UNC13B: variants seen among roughly 807,000 people sequenced by gnomAD.
UNC13B encodes the protein protein unc-13 homolog B.
A neutral mutation model predicts 211.0 loss-of-function variants in UNC13B; 144 were observed. That is an observed-to-expected ratio of 0.68 (90% CI 0.60 to 0.78). UNC13B has a LOEUF of 0.78. Ranked by LOEUF, UNC13B falls within the 30% of genes least tolerant of loss-of-function variation. The pLI, the probability that UNC13B is intolerant of heterozygous loss-of-function variation, is 0.00. For synonymous variants in UNC13B, 709 were observed against 725.8 expected (o/e 0.98, Z 0.37); for missense variants, 1,777 against 2,002.0 (o/e 0.89, Z 2.14).
chr9:35,261,554 A>G (rs10814217), intron 7 of UNC13B, among the ~76,000 whole-genome samples: 73,575 of 151,872 alleles, frequency 0.48, 18,262 homozygotes, highest in Middle Eastern at 0.56. Context: ...ACAATATGTA[A>G]TAATCACATC....
At chr9:35,257,050 G>A (rs1248778217) in intron 6 of UNC13B, among the ~76,000 whole-genome samples, 9 of 151,620 alleles carry the variant, frequency 5.9e-5, no homozygotes, top group Non-Finnish European at 1.2e-4. Flanking sequence ...TAAAATTTTG[G>A]GATTCCTCAT....
rs1487406606 is a variant in UNC13B at position 35,306,687 on chromosome 9, C to G, written c.7283C>G (p.Ser2428Cys). The G allele has an allele frequency of 1.3e-5, 5 of 398,970 alleles. No individual in the cohort carries two copies. Among genetic ancestry groups the G allele is most frequent in the Non-Finnish European group, 4.4e-6 (1 of 226,088 alleles). 24.7% of individuals were successfully genotyped at this position (398,970 alleles called of 1,614,324 possible). Residue 2428 changes from serine to cysteine, a missense_variant, in exon 9 of 40, where the codon TCT becomes TGT. Ser to Cys is a moderately radical substitution (Grantham distance 112, BLOSUM62 -1). Coordinates refer to ENST00000635942, the MANE Select transcript of UNC13B (RefSeq NM_001371189.2). ...CAGATCCTAGAGCCAGCCTCTTCCT[C>G]TCCAGAGCCAGGGTGTGCAGGGAAC... ...LPQILEPASSSPEPGCAGNLQ... is the reference protein window; with the variant it reads ...LPQILEPASSCPEPGCAGNLQ...
intron 17 of UNC13B, among the ~76,000 whole-genome samples, chr9:35,379,871 C>T (rs1204546035): frequency 6.6e-6 from 1 of 152,172 alleles, no homozygotes; most frequent in Non-Finnish European, 1.5e-5. Flanking sequence ...TCCCAGAAAG[C>T]AACTGTTGGA....
intron 6 of UNC13B, among the ~76,000 whole-genome samples, chr9:35,250,966 T>TTC (rs1335249096): frequency 1.4e-5 from 2 of 140,202 alleles, no homozygotes; most frequent in Non-Finnish European, 3.1e-5. Context: ...CCTTTTTTTT[T>TTC]TTTTTTTTTT....
At chr9:35,397,513 T>C (rs2132354216) in intron 29 of UNC13B, 122 bp from the exon 30 acceptor site, 1 of 1,306,048 alleles carries the variant, frequency 7.7e-7, no homozygotes, top group Admixed American at 2.0e-5. Flanking sequence ...TCCTGTACTG[T>C]GGGATTCCCC....
intron 11 of UNC13B, among the ~76,000 whole-genome samples, chr9:35,322,339 G>T (rs188849731): frequency 1.3e-5 from 2 of 152,262 alleles, no homozygotes; most frequent in Admixed American, 1.3e-4. Context: ...CGGAGATTGC[G>T]GTGGCAGCGG....
At chr9:35,181,620 C>T (rs1309106542) in intron 1 of UNC13B, among the ~76,000 whole-genome samples, 4 of 152,010 alleles carry the variant, frequency 2.6e-5, no homozygotes, top group African/African-American at 4.8e-5. Context: ...GTGGACCACT[C>T]GAGGTCAGGA....
At chr9:35,385,486 G>A in intron 22 of UNC13B, 7 of 985,456 alleles carry the variant, frequency 7.1e-6, no homozygotes, top group Non-Finnish European at 8.4e-6. Flanking sequence ...AAGTAGGGCT[G>A]GAGGAGGATG....
chr9:35,400,084 C>T (rs1472893911), intron 36 of UNC13B, among the ~76,000 whole-genome samples: 5 of 152,182 alleles, frequency 3.3e-5, no homozygotes, highest in Non-Finnish European at 7.3e-5. Flanking sequence ...ACCCATCCTT[C>T]AAACACTGCC....
At chr9:35,382,971 G>A (rs1221352823) in intron 21 of UNC13B, among the ~76,000 whole-genome samples, 1 of 152,162 alleles carries the variant, frequency 6.6e-6, no homozygotes, top group African/African-American at 2.4e-5. Flanking sequence ...TTATGGGTAT[G>A]CGGACTATAC....
chr9:35,168,078 C>T (rs1383471855), intron 1 of UNC13B, among the ~76,000 whole-genome samples: 1 of 151,958 alleles, frequency 6.6e-6, no homozygotes, highest in African/African-American at 2.4e-5. Flanking sequence ...GCCACCATGC[C>T]TGACTAATTT....
chr9:35,205,562 G>A (rs1055673248), intron 1 of UNC13B, among the ~76,000 whole-genome samples: 3 of 152,224 alleles, frequency 2.0e-5, no homozygotes, highest in African/African-American at 7.2e-5. Flanking sequence ...CACTAGGGAG[G>A]TTCCTCCAAC....
At chr9:35,229,897 A>G (rs1220030977) in intron 2 of UNC13B, among the ~76,000 whole-genome samples, 1 of 152,182 alleles carries the variant, frequency 6.6e-6, no homozygotes, top group Non-Finnish European at 1.5e-5. Context: ...TAATCATGTT[A>G]AGCAATGTTT....
chr9:35,353,344 G>C, intron 11 of UNC13B: 3 of 1,232,230 alleles, frequency 2.4e-6, no homozygotes, highest in Non-Finnish European at 3.0e-6. Flanking sequence ...AGAACAGTGG[G>C]TCCATCAGTC....
Position 35,225,880 on chromosome 9 carries a change from C to T in UNC13B, c.23-2135C>T, listed in dbSNP as rs147693687. ...AAGTGGGTGGGTCCTTGGATCCCCG[C>T]GGTGACGTGTGAGGAGTTGACAGTG... is the stretch of plus-strand genomic sequence containing the variant. On this transcript the variant is annotated intron_variant, in intron 1 of 39. Coordinates refer to ENST00000635942, the MANE Select transcript of UNC13B (RefSeq NM_001371189.2). Among the ~76,000 whole-genome samples, 18 of 152,052 alleles carry T rather than the reference C, an allele frequency of 1.2e-4. No homozygotes were observed. The East Asian group carries it at 2.5e-3, about 21-fold the overall frequency.
At chr9:35,206,958 C>A (rs1177313813) in intron 1 of UNC13B, among the ~76,000 whole-genome samples, 2 of 150,916 alleles carry the variant, frequency 1.3e-5, no homozygotes, top group Non-Finnish European at 2.9e-5. Flanking sequence ...AGTTCATGGA[C>A]ATTTGGGTTG....
At chr9:35,277,909 G>A (rs900931212) in intron 7 of UNC13B, among the ~76,000 whole-genome samples, 6 of 151,910 alleles carry the variant, frequency 3.9e-5, no homozygotes, top group Admixed American at 1.3e-4. Flanking sequence ...AAGAAGGAAA[G>A]TCCCGAGGTG....
At chr9:35,244,911 C>T (rs996269610) in intron 6 of UNC13B, among the ~76,000 whole-genome samples, 4 of 152,066 alleles carry the variant, frequency 2.6e-5, no homozygotes, top group South Asian at 2.1e-4. Flanking sequence ...CAGGGTTTTC[C>T]GTTACCTCCT....
At chr9:35,263,981 T>C (rs1056321147) in intron 7 of UNC13B, among the ~76,000 whole-genome samples, 2 of 152,154 alleles carry the variant, frequency 1.3e-5, no homozygotes, top group Non-Finnish European at 2.9e-5. Context: ...AGTGATTTCG[T>C]TAAGGCAATC....
Sources: allele counts gnomAD v4.1 joint callset (sites outside exome capture counted in the v4.1 genomes callset), GRCh38; gene constraint gnomAD v4.1.1; transcripts MANE v1.5; gene names NCBI Gene and HGNC (gene_info 2026-07-23, HGNC 2026-07-21).